The following CACNA2D3 variants were observed in gnomAD, a reference collection of about 807,000 sequenced individuals.
CACNA2D3 encodes the protein calcium voltage-gated channel auxiliary subunit alpha2delta 3, also known as voltage-dependent calcium channel subunit alpha-2/delta-3.
Under a neutral mutation model 160.6 loss-of-function variants are expected in CACNA2D3, and 60 were observed. The observed-to-expected ratio is 0.37, with a 90% CI of 0.30 to 0.46. The LOEUF (loss-of-function observed/expected upper bound fraction) is 0.46, where lower values mean the gene tolerates loss of function less well. Ranked by LOEUF, CACNA2D3 falls within the 20% of genes least tolerant of loss-of-function variation. CACNA2D3 has a pLI of 1.00. For synonymous variants in CACNA2D3, 558 were observed against 492.9 expected, an observed-to-expected ratio of 1.13 and a Z score of -1.75; for missense variants, 1,205 against 1,365.0, an observed-to-expected ratio of 0.88 and a Z score of 1.85.
intron 11 of CACNA2D3, among the ~76,000 whole-genome samples, chr3:54,683,595 T>C (rs937387198): frequency 6.6e-6 from 1 of 152,204 alleles, no homozygotes; most frequent in Non-Finnish European, 1.5e-5. Flanking sequence ...CACAGCATGG[T>C]ACTTGGTGCA....
chr3:54,755,806 C>G (rs1187332724), intron 12 of CACNA2D3, among the ~76,000 whole-genome samples: 1 of 151,958 alleles, frequency 6.6e-6, no homozygotes, highest in Admixed American at 6.6e-5. Context: ...GAGTTCCTTT[C>G]CATTTTTTAA....
intron 3 of CACNA2D3, among the ~76,000 whole-genome samples, chr3:54,372,409 C>A (rs1698940305): frequency 6.6e-6 from 1 of 152,052 alleles, no homozygotes. Context: ...TGGAGAGTTG[C>A]CAGAGTCCCT....
intron 3 of CACNA2D3, among the ~76,000 whole-genome samples, chr3:54,364,730 G>T (rs1182298219): frequency 6.6e-6 from 1 of 152,162 alleles, no homozygotes; most frequent in Non-Finnish European, 1.5e-5. Context: ...TTACAATATA[G>T]ACCATAACTC....
intron 2 of CACNA2D3, among the ~76,000 whole-genome samples, chr3:54,252,015 G>A (rs919331481): frequency 1.3e-5 from 2 of 150,422 alleles, no homozygotes; most frequent in Non-Finnish European, 3.0e-5. Context: ...CTTTTTTTTA[G>A]AAATTCTCCT....
chr3:54,266,921 T>C (rs992729824), intron 2 of CACNA2D3, among the ~76,000 whole-genome samples: 17 of 152,132 alleles, frequency 1.1e-4, no homozygotes, highest in Admixed American at 1.0e-3. Context: ...AGTGGCTTTT[T>C]TTTTGCAACA....
At position 54,541,101 on chromosome 3, in the gene CACNA2D3, C is replaced by G. The variant is rs578142459; in HGVS notation, c.545-21699C>G. On this transcript the variant is annotated intron_variant, in intron 5 of 37. Transcript: ENST00000474759. ...GACCATCCTGGCTAACATGGTGAAA[C>G]CCCATCTCTACTAAAAATACAAAAA... Among the ~76,000 whole-genome samples, 197 of 151,878 alleles carry G rather than the reference C, an allele frequency of 1.3e-3. 1 individual carries two copies. Among genetic ancestry groups the G allele is most frequent in the Non-Finnish European group, 2.3e-3 (154 of 67,948 alleles).
chr3:54,132,349 TTGTG>T (rs1371748308), intron 2 of CACNA2D3, among the ~76,000 whole-genome samples: 2 of 152,192 alleles, frequency 1.3e-5, no homozygotes, highest in Non-Finnish European at 2.9e-5. Context: ...TAAAGGGTGT[TTGTG>T]TGCGGGTGTA....
At chr3:54,436,425 T>G (rs1327658424) in intron 4 of CACNA2D3, among the ~76,000 whole-genome samples, 1 of 152,218 alleles carries the variant, frequency 6.6e-6, no homozygotes, top group Non-Finnish European at 1.5e-5. Context: ...ATGCCATTAC[T>G]GGGTATATAC....
intron 5 of CACNA2D3, among the ~76,000 whole-genome samples, chr3:54,542,838 A>T (rs542224189): frequency 7.9e-5 from 12 of 152,322 alleles, no homozygotes; most frequent in Non-Finnish European, 5.9e-5. Context: ...CTTCAGTCCA[A>T]TCAAGTTGAC....
chr3:54,467,474 G>C (rs1463073389), intron 4 of CACNA2D3, among the ~76,000 whole-genome samples: 1 of 152,216 alleles, frequency 6.6e-6, no homozygotes, highest in African/African-American at 2.4e-5. Context: ...GCTTGATTGA[G>C]ACTTGGGCAA....
At chr3:54,831,082 A>C (rs1448373171) in intron 14 of CACNA2D3, among the ~76,000 whole-genome samples, 1 of 152,234 alleles carries the variant, frequency 6.6e-6, no homozygotes, top group Non-Finnish European at 1.5e-5. Flanking sequence ...AGAGGAGCAA[A>C]ATATAGAAGA....
chr3:54,536,664 C>T (rs1398129610), intron 5 of CACNA2D3, among the ~76,000 whole-genome samples: 1 of 152,200 alleles, frequency 6.6e-6, no homozygotes, highest in East Asian at 1.9e-4. Flanking sequence ...TGGCCCTGGG[C>T]CACAGCCAGC....
intron 35 of CACNA2D3, among the ~76,000 whole-genome samples, chr3:55,061,122 G>GC (rs1236646820): frequency 6.6e-6 from 1 of 152,232 alleles, no homozygotes; most frequent in Non-Finnish European, 1.5e-5. Flanking sequence ...ATGGGACACT[G>GC]CCCTGCAGGC....
chr3:55,009,027 G>T (rs143545379), intron 33 of CACNA2D3, among the ~76,000 whole-genome samples: 2 of 152,090 alleles, frequency 1.3e-5, no homozygotes, highest in African/African-American at 4.8e-5. Context: ...TTGTATTTCT[G>T]AACTAAGGGA....
chr3:54,340,724 T>G (rs1467970903), intron 3 of CACNA2D3, among the ~76,000 whole-genome samples: 2 of 152,166 alleles, frequency 1.3e-5, no homozygotes, highest in East Asian at 3.9e-4. Flanking sequence ...TGGTAATAGA[T>G]CCTGTCCATT....
chr3:54,809,335 G>C (rs1217597971), intron 13 of CACNA2D3, among the ~76,000 whole-genome samples: 7 of 43,936 alleles, frequency 1.6e-4, no homozygotes, highest in Non-Finnish European at 2.4e-4. Flanking sequence ...TTTTTGAGAC[G>C]GAGTCTCGCT....
chr3:54,528,523 A>G (rs1701759688), intron 5 of CACNA2D3, among the ~76,000 whole-genome samples: 1 of 152,102 alleles, frequency 6.6e-6, no homozygotes, highest in African/African-American at 2.4e-5. Flanking sequence ...CCCCTCTTGT[A>G]CCTGTGTTTA....
intron 4 of CACNA2D3, among the ~76,000 whole-genome samples, chr3:54,438,121 C>T (rs1276571635): frequency 6.6e-6 from 1 of 152,132 alleles, no homozygotes; most frequent in African/African-American, 2.4e-5. Context: ...TATAGAAGTG[C>T]AGAAGAGTCA....
chr3:54,544,631 C>T (rs1702032719), intron 5 of CACNA2D3, among the ~76,000 whole-genome samples: 1 of 152,086 alleles, frequency 6.6e-6, no homozygotes, highest in Non-Finnish European at 1.5e-5. Context: ...CTCCTGGCCT[C>T]AAGCGATCCT....
Sources: gnomAD v4.1 joint callset for allele counts (sites outside exome capture counted in the v4.1 genomes callset) on GRCh38, gnomAD v4.1.1 for gene constraint, MANE v1.5 for transcripts, NCBI Gene and HGNC (gene_info 2026-07-23, HGNC 2026-07-21) for gene names.